RERE: variants seen among roughly 807,000 people sequenced by gnomAD.
RERE encodes arginine-glutamic acid dipeptide repeats protein.
RERE carries 40 observed loss-of-function variants against 146.1 expected under a neutral mutation model. The observed-to-expected ratio is 0.27, with a 90% CI of 0.21 to 0.36. The LOEUF is 0.36. RERE is among the 10% of genes least tolerant of loss of function. The probability of loss-of-function intolerance (pLI) is 1.00; values close to 1 mark genes in which losing one functional copy is unlikely to be tolerated. For missense variants in RERE, 1,933 were observed against 2,138.7 expected (o/e 0.90, Z 1.90); for synonymous variants, 1,003 against 866.0 (o/e 1.16, Z -2.78).
chr1:8,732,978 C>T (rs945727855), intron 1 of RERE, among the ~76,000 whole-genome samples: 5 of 151,704 alleles, frequency 3.3e-5, no homozygotes, highest in East Asian at 1.9e-4. Flanking sequence ...CCCGCCACTA[C>T]GCCCGGCTAA....
At chr1:8,557,655 C>A in intron 4 of RERE, 132 bp from the exon 5 acceptor site, 1 of 665,972 alleles carries the variant, frequency 1.5e-6, no homozygotes, top group Non-Finnish European at 2.7e-6. Flanking sequence ...CCATCAGGAC[C>A]ACAACAATAC....
intron 1 of RERE, among the ~76,000 whole-genome samples, chr1:8,766,843 G>C (rs915802728): frequency 6.6e-6 from 1 of 152,180 alleles, no homozygotes; most frequent in Non-Finnish European, 1.5e-5. Context: ...AAGGTTTTAA[G>C]AAGGTTTTGT....
chr1:8,562,384 A>G (rs1646088837), intron 4 of RERE, among the ~76,000 whole-genome samples: 1 of 152,214 alleles, frequency 6.6e-6, no homozygotes, highest in East Asian at 1.9e-4. Flanking sequence ...AATGCAGAAT[A>G]AAGAGGGAAG....
At chr1:8,553,218 ACCATTAGGCCAGCATGT>A (rs1445481469) in intron 6 of RERE, among the ~76,000 whole-genome samples, 1 of 150,304 alleles carries the variant, frequency 6.7e-6, no homozygotes, top group African/African-American at 2.5e-5. Context: ...GCAAAATTGC[ACCATTAGGCCAGCATGT>A]CCACATGCAT....
chr1:8,621,335 T>C (rs1198178737), intron 3 of RERE, among the ~76,000 whole-genome samples: 1 of 152,190 alleles, frequency 6.6e-6, no homozygotes, highest in East Asian at 1.9e-4. Context: ...CATAAAGAGC[T>C]ATTTCATGAA....
At chr1:8,571,931 A>G (rs973525306) in intron 4 of RERE, among the ~76,000 whole-genome samples, 1 of 152,206 alleles carries the variant, frequency 6.6e-6, no homozygotes, top group South Asian at 2.1e-4. Context: ...ATGTGACTGG[A>G]GCCACAATTC....
rs1641211883 is a variant in RERE, at chr1:8,354,417, T to C, written c.*670A>G. The stretch of plus-strand genomic sequence containing the variant: ...CTTTAATTAAAGGGATAATTATATA[T>C]AACTTTTTATTAAAAAATCAACTCT... On this transcript the variant is annotated 3_prime_UTR_variant, in exon 23 of 23. Transcript: ENST00000400908. 6.6e-6 allele frequency: 1 copy of C among 152,484 alleles called. No individual in the cohort carries two copies. Among genetic ancestry groups the C allele is most frequent in the African/African-American group, 2.4e-5 (1 of 41,446 alleles). 9.4% of individuals were successfully genotyped at this position (152,484 alleles called of 1,614,324 possible).
chr1:8,411,402 G>A (rs894253863), intron 12 of RERE, among the ~76,000 whole-genome samples: 12 of 151,660 alleles, frequency 7.9e-5, no homozygotes, highest in African/African-American at 2.9e-4. Flanking sequence ...AGCCTCCCAG[G>A]TAGTTGGAAC....
Position 8,705,320 on chromosome 1 carries a change from C to T in RERE, c.-144-48879G>A, listed in dbSNP as rs1639536189. Among the ~76,000 whole-genome samples the T allele has an allele frequency of 2.0e-5, 3 of 152,160 alleles. No individual in the cohort carries two copies. In the South Asian group the frequency reaches 6.2e-4, roughly 31 times the overall value. On this transcript the variant is annotated intron_variant, in intron 1 of 22. Transcript: ENST00000400908. ...AATCCAACCTGCACCCAGCCCCCCA[C>T]TTTGCAGTTACACCAGTTTTTCCAC...
chr1:8,370,723 G>C (rs1642005377), intron 12 of RERE, among the ~76,000 whole-genome samples: 1 of 152,208 alleles, frequency 6.6e-6, no homozygotes, highest in Non-Finnish European at 1.5e-5. Flanking sequence ...GAGTGAAGCA[G>C]CTAGAGGCCT....
intron 4 of RERE, among the ~76,000 whole-genome samples, chr1:8,562,801 T>C (rs1276422207): frequency 6.6e-6 from 1 of 152,152 alleles, no homozygotes; most frequent in Non-Finnish European, 1.5e-5. Context: ...CTGGCTGGAT[T>C]TCTCTTGAAA....
chr1:8,795,692 G>C (rs938890855), intron 1 of RERE, among the ~76,000 whole-genome samples: 2 of 152,120 alleles, frequency 1.3e-5, no homozygotes, highest in South Asian at 4.2e-4. Context: ...GAAGAAACAG[G>C]AATTACATGG....
intron 1 of RERE, among the ~76,000 whole-genome samples, chr1:8,810,296 G>T (rs1314166637): frequency 6.6e-6 from 1 of 152,058 alleles, no homozygotes; most frequent in African/African-American, 2.4e-5. Context: ...CACCGCGCCT[G>T]GCCTAAAGTT....
At chr1:8,459,491 G>A (rs906492834) in intron 11 of RERE, among the ~76,000 whole-genome samples, 1 of 152,146 alleles carries the variant, frequency 6.6e-6, no homozygotes, top group African/African-American at 2.4e-5. Flanking sequence ...TAGATACATT[G>A]TATCTATATT....
chr1:8,556,144 C>T (rs1374369555), intron 6 of RERE, among the ~76,000 whole-genome samples: 1 of 152,030 alleles, frequency 6.6e-6, no homozygotes, highest in Non-Finnish European at 1.5e-5. Flanking sequence ...AGCCACCACA[C>T]CTGGCCCATC....
At chr1:8,365,029 C>T (rs952067606) in intron 13 of RERE, among the ~76,000 whole-genome samples, 191 bp from the exon 14 acceptor site, 2 of 152,244 alleles carry the variant, frequency 1.3e-5, no homozygotes, top group African/African-American at 2.4e-5. Flanking sequence ...CTTCGAGCTC[C>T]TCAGTGTCAG....
intron 11 of RERE, among the ~76,000 whole-genome samples, chr1:8,448,944 A>G (rs1426897172): frequency 6.6e-6 from 1 of 152,118 alleles, no homozygotes; most frequent in African/African-American, 2.4e-5. Flanking sequence ...CGATGTCAGC[A>G]CCACTCACAC....
intron 1 of RERE, among the ~76,000 whole-genome samples, chr1:8,709,331 G>A (rs555368481): frequency 2.0e-5 from 3 of 150,714 alleles, no homozygotes; most frequent in Non-Finnish European, 2.9e-5. Flanking sequence ...TGTTGCCCAC[G>A]TTGGTCATGA....
At chr1:8,635,982 T>TTATC (rs1557448323) in intron 2 of RERE, among the ~76,000 whole-genome samples, 88 of 52,754 alleles carry the variant, frequency 1.7e-3, no homozygotes, top group African/African-American at 3.7e-3. Context: ...CTTATCTTAT[T>TTATC]TTATTTTATT....
Sources: gnomAD v4.1 joint callset for allele counts (sites outside exome capture counted in the v4.1 genomes callset) on GRCh38, gnomAD v4.1.1 for gene constraint, MANE v1.5 for transcripts, NCBI Gene and HGNC (gene_info 2026-07-23, HGNC 2026-07-21) for gene names.